MAPKAP1: variants seen among roughly 807,000 people sequenced by gnomAD.
MAPKAP1 encodes the protein MAPK associated protein 1, also known as target of rapamycin complex 2 subunit MAPKAP1.
A neutral mutation model predicts 65.7 loss-of-function variants in MAPKAP1; 20 were observed. The ratio of observed to expected loss-of-function variants is 0.30; its 90% CI spans 0.21 to 0.44. The LOEUF is 0.44. Ranked by LOEUF, MAPKAP1 falls within the 20% of genes least tolerant of loss-of-function variation. MAPKAP1 has a pLI of 1.00. For missense variants in MAPKAP1, 423 were observed against 648.0 expected, an observed-to-expected ratio of 0.65 and a Z score of 3.77; for synonymous variants, 222 against 244.3, an observed-to-expected ratio of 0.91 and a Z score of 0.85.
intron 4 of MAPKAP1, among the ~76,000 whole-genome samples, chr9:125,608,936 G>C (rs1181301142): frequency 6.6e-6 from 1 of 152,100 alleles, no homozygotes; most frequent in African/African-American, 2.4e-5. Context: ...AGAGCAAAAG[G>C]TTAGATGGAG....
intron 1 of MAPKAP1, among the ~76,000 whole-genome samples, chr9:125,684,397 C>T (rs1834911712): frequency 6.6e-6 from 1 of 151,992 alleles, no homozygotes; most frequent in Admixed American, 6.6e-5. Context: ...GCATCCACAA[C>T]AAAAAATTAT....
chr9:125,687,592 C>T (rs1835021866), intron 1 of MAPKAP1, among the ~76,000 whole-genome samples: 1 of 145,990 alleles, frequency 6.8e-6, no homozygotes, highest in Non-Finnish European at 1.5e-5. Flanking sequence ...GCCTGGGCAA[C>T]AGAGCAAGAC....
intron 7 of MAPKAP1, among the ~76,000 whole-genome samples, chr9:125,539,454 C>T (rs898700309): frequency 1.3e-5 from 2 of 152,252 alleles, no homozygotes; most frequent in South Asian, 2.1e-4. Context: ...CTAGAGGTAT[C>T]TATATTTCTG....
intron 9 of MAPKAP1, among the ~76,000 whole-genome samples, chr9:125,479,895 T>C (rs370821066): frequency 6.6e-6 from 1 of 152,216 alleles, no homozygotes; most frequent in Non-Finnish European, 1.5e-5. Flanking sequence ...TCTGTTCTGA[T>C]TGACACAGGA....
chr9:125,620,619 A>T (rs1832869957), intron 4 of MAPKAP1, among the ~76,000 whole-genome samples: 1 of 152,260 alleles, frequency 6.6e-6, no homozygotes, highest in African/African-American at 2.4e-5. Context: ...CTTCACCGAC[A>T]GAGAATTAGT....
chr9:125,687,159 C>T, intron 1 of MAPKAP1, among the ~76,000 whole-genome samples: 1 of 147,454 alleles, frequency 6.8e-6, no homozygotes, highest in Admixed American at 6.8e-5. Context: ...AGTATATAAA[C>T]TGGTTCCAAT....
rs1399215359 is a variant in MAPKAP1, at chr9:125,705,378, C to A, written c.-70+1593G>T. On this transcript the variant is annotated intron_variant, in intron 1 of 11. Coordinates refer to ENST00000265960, the MANE Select transcript of MAPKAP1 (RefSeq NM_001006617.3). ...GAAACCCCTATATAATACCCAAATA[C>A]TCAAAGTTTAGTTTACCTCAAATTA... 2.0e-5 allele frequency among the ~76,000 whole-genome samples: 3 copies of A among 152,250 alleles called. No individual in the cohort carries two copies. In the East Asian group the frequency reaches 5.8e-4, roughly 29 times the overall value.
At chr9:125,458,183 G>C (rs892839628) in intron 10 of MAPKAP1, among the ~76,000 whole-genome samples, 1 of 150,254 alleles carries the variant, frequency 6.7e-6, no homozygotes, top group Admixed American at 6.6e-5. Context: ...TAATCTGGTC[G>C]AAGTTACCAT....
Position 125,610,880 on chromosome 9 carries a change from T to G in MAPKAP1, c.499-25153A>C, listed in dbSNP as rs777926710. Among the ~76,000 whole-genome samples the G allele has an allele frequency of 1.9e-3, 283 of 152,258 alleles. 1 individual carries two copies. Among genetic ancestry groups the G allele is most frequent in the Non-Finnish European group, 1.7e-3 (114 of 68,020 alleles). On this transcript the variant is annotated intron_variant, in intron 4 of 11. Transcript: ENST00000265960. ...ACTCAAATAATTCCAACAGAAAAAT[T>G]TGCAAGAAATAATTTGTTCTATCTC...
At chr9:125,465,253 T>G (rs577106737) in intron 10 of MAPKAP1, among the ~76,000 whole-genome samples, 135 of 152,342 alleles carry the variant, frequency 8.9e-4, no homozygotes, top group African/African-American at 3.0e-3. Context: ...TGATGTAAAC[T>G]CAGCTACAAA....
At position 125,628,218 on chromosome 9, in the gene MAPKAP1, A is replaced by G. The variant is rs370537075; in HGVS notation, c.498+29433T>C. 9.2e-5 allele frequency among the ~76,000 whole-genome samples: 14 copies of G among 152,314 alleles called. No individual in the cohort carries two copies. The East Asian group carries it at 2.3e-3, about 25-fold the overall frequency. On this transcript the variant is annotated intron_variant, in intron 4 of 11. Transcript: ENST00000265960. ...CTTAAAGGATAAACAGCAATTCACT[A>G]TAGAGGAAGACATTTCAGGCAGAAG...
intron 4 of MAPKAP1, among the ~76,000 whole-genome samples, chr9:125,648,370 C>A (rs1039149317): frequency 2.6e-5 from 4 of 152,204 alleles, no homozygotes; most frequent in Non-Finnish European, 5.9e-5. Flanking sequence ...TCTGTACCCC[C>A]CTACATCTCA....
intron 5 of MAPKAP1, among the ~76,000 whole-genome samples, chr9:125,577,090 C>T (rs1197670183): frequency 1.3e-5 from 2 of 151,796 alleles, no homozygotes; most frequent in Non-Finnish European, 2.9e-5. Flanking sequence ...CTCTTCCCGG[C>T]CGCCATCCCA....
intron 4 of MAPKAP1, among the ~76,000 whole-genome samples, chr9:125,637,183 C>T (rs1423961901): frequency 6.6e-6 from 1 of 152,060 alleles, no homozygotes; most frequent in Non-Finnish European, 1.5e-5. Context: ...GCAAGAGAAT[C>T]ACTTGAACCC....
chr9:125,535,816 AC>A (rs1230308162), intron 7 of MAPKAP1, among the ~76,000 whole-genome samples: 6 of 152,132 alleles, frequency 3.9e-5, no homozygotes, highest in Non-Finnish European at 7.4e-5. Flanking sequence ...ACCCTAGTGA[AC>A]CCAGGAGAAG....
chr9:125,575,081 G>T (rs964039050), intron 5 of MAPKAP1, among the ~76,000 whole-genome samples: 1 of 152,194 alleles, frequency 6.6e-6, no homozygotes, highest in Non-Finnish European at 1.5e-5. Flanking sequence ...GCCAGGCATG[G>T]TGGCTCAGGC....
At chr9:125,464,181 C>G (rs575879569) in intron 10 of MAPKAP1, among the ~76,000 whole-genome samples, 121 of 114,396 alleles carry the variant, frequency 1.1e-3, no homozygotes, top group Non-Finnish European at 1.5e-3. Context: ...CTGGGCAACA[C>G]AGTGAGACCC....
chr9:125,585,550 AT>A lies in MAPKAP1; in HGVS notation c.671+4del. ...ACTAGAGCAGCCAAAAAGAGAATGG[AT>A]TACTTGAGCTTCGGCTCCCGTCCTT... On this transcript the variant is annotated splice_donor_region_variant and intron_variant, in intron 5 of 11. Coordinates refer to ENST00000265960, the MANE Select transcript of MAPKAP1 (RefSeq NM_001006617.3). The A allele has an allele frequency of 6.2e-7, 1 of 1,612,788 alleles. No homozygotes were observed. Among genetic ancestry groups the A allele is most frequent in the Non-Finnish European group, 8.5e-7 (1 of 1,178,924 alleles).
At chr9:125,459,117 C>G (rs1249538184) in intron 10 of MAPKAP1, among the ~76,000 whole-genome samples, 1 of 144,800 alleles carries the variant, frequency 6.9e-6, no homozygotes, top group African/African-American at 2.6e-5. Flanking sequence ...CGGGCAGAGA[C>G]GCTCTTCACC....
Sources: allele counts gnomAD v4.1 joint callset (sites outside exome capture counted in the v4.1 genomes callset), GRCh38; gene constraint gnomAD v4.1.1; transcripts MANE v1.5; gene names NCBI Gene and HGNC (gene_info 2026-07-23, HGNC 2026-07-21).